The following RPTOR variants were observed in gnomAD, a reference collection of about 807,000 sequenced individuals.
The protein encoded by RPTOR is regulatory associated protein of MTOR complex 1, also known as regulatory-associated protein of mTOR.
In RPTOR, 21 loss-of-function variants were observed where a neutral mutation model predicts 169.9. The ratio of observed to expected loss-of-function variants is 0.12; its 90% CI spans 0.09 to 0.18. The LOEUF is 0.18. Ranked by LOEUF, RPTOR falls within the 10% of genes least tolerant of loss-of-function variation. The probability of loss-of-function intolerance (pLI) is 1.00; values close to 1 mark genes in which losing one functional copy is unlikely to be tolerated. For synonymous variants in RPTOR, 732 were observed against 753.2 expected, an observed-to-expected ratio of 0.97 and a Z score of 0.46; for missense variants, 1,133 against 1,855.9, an observed-to-expected ratio of 0.61 and a Z score of 7.16.
intron 7 of RPTOR, among the ~76,000 whole-genome samples, chr17:80,793,765 A>G (rs1219239580): frequency 2.6e-5 from 4 of 152,246 alleles, no homozygotes; most frequent in African/African-American, 7.2e-5. Flanking sequence ...TAGAGCAAAA[A>G]GGTCTGTTAA....
In RPTOR at chr17:80,962,442, T is replaced by C; in HGVS notation, c.3693-19T>C. The stretch of plus-strand genomic sequence containing the variant: ...TGGGGCCTCCGGGAGGAGGTGTCAC[T>C]GTGACCCTCTCTTGGCAGCGTCAAT... On this transcript the variant is annotated intron_variant, in intron 31 of 33. Coordinates refer to ENST00000306801, the MANE Select transcript of RPTOR (RefSeq NM_020761.3). The C allele has an allele frequency of 3.7e-6, 6 of 1,606,510 alleles. No homozygotes were observed. Among genetic ancestry groups the C allele is most frequent in the South Asian group, 2.2e-5 (2 of 90,736 alleles).
chr17:80,900,389 G>C (rs868706090), intron 20 of RPTOR, among the ~76,000 whole-genome samples: 1 of 151,856 alleles, frequency 6.6e-6, no homozygotes, highest in Non-Finnish European at 1.5e-5. Context: ...TTAATGGCGC[G>C]ATCTCTGCTC....
chr17:80,559,767 C>T (rs1207516368), intron 1 of RPTOR, among the ~76,000 whole-genome samples: 1 of 152,186 alleles, frequency 6.6e-6, no homozygotes, highest in Non-Finnish European at 1.5e-5. Flanking sequence ...CTCCATTGTC[C>T]TCATTTAATC....
In RPTOR at chr17:80,823,662, C is replaced by T; in HGVS notation, c.1136+439C>T. On this transcript the variant is annotated intron_variant, in intron 9 of 33. Coordinates refer to ENST00000306801, the MANE Select transcript of RPTOR (RefSeq NM_020761.3). The surrounding 1 kb of genome is among the most constrained non-coding windows in gnomAD (Gnocchi z 4.5). ...TTTCTCACACACACACACACACACA[C>T]ACACACACACACACACAACGCTCAT... is the stretch of plus-strand genomic sequence containing the variant. 6.1e-6 allele frequency: 1 copy of T among 164,928 alleles called. No individual in the cohort carries two copies. The highest frequency in any genetic ancestry group is 1.3e-5 in the Non-Finnish European group (1 of 74,394). 10.2% of individuals were successfully genotyped at this position (164,928 alleles called of 1,614,324 possible).
At chr17:80,762,167 A>G (rs1460633136) in intron 6 of RPTOR, among the ~76,000 whole-genome samples, 1 of 152,232 alleles carries the variant, frequency 6.6e-6, no homozygotes, top group East Asian at 1.9e-4. Flanking sequence ...GTTTTAAAAG[A>G]TGACGTGTAA....
chr17:80,820,050 G>C lies in RPTOR; in HGVS notation c.891-2151G>C, dbSNP rs2067363611. On this transcript the variant is annotated intron_variant, in intron 7 of 33. Coordinates refer to ENST00000306801, the MANE Select transcript of RPTOR (RefSeq NM_020761.3). This position sits in a 1 kb window ranked among gnomAD's most constrained non-coding sequence, Gnocchi z 4.1. ...GTTTGACTAACTCCAGATATGTTGA[G>C]AGAGGAGAGAACCCGTGACAGGATG... Among the ~76,000 whole-genome samples the C allele has an allele frequency of 6.6e-6, 1 of 152,160 alleles. No homozygotes were observed. Among genetic ancestry groups the C allele is most frequent in the South Asian group, 2.1e-4 (1 of 4,836 alleles).
intron 7 of RPTOR, among the ~76,000 whole-genome samples, chr17:80,812,615 A>C (rs1337749058): frequency 6.6e-6 from 1 of 152,156 alleles, no homozygotes; most frequent in Non-Finnish European, 1.5e-5. Context: ...GATGCTTCCA[A>C]GAGAGGTGGC....
chr17:80,586,913 C>G (rs1221462907), intron 1 of RPTOR, among the ~76,000 whole-genome samples: 1 of 152,258 alleles, frequency 6.6e-6, no homozygotes, highest in Non-Finnish European at 1.5e-5. Context: ...GGCTCGCTGG[C>G]AAGCAGGTCC....
rs62068553 is a variant in RPTOR, at chr17:80,958,985, G to T, written c.3478-1093G>T. On this transcript the variant is annotated intron_variant, in intron 29 of 33. Coordinates refer to ENST00000306801, the MANE Select transcript of RPTOR (RefSeq NM_020761.3). ...AGAGGCCATACCCAGCCTCTCTCCC[G>T]GGCAGGCCATCTGGTGTCAGGAGGG... Among the ~76,000 whole-genome samples the T allele has an allele frequency of 3.3e-5, 5 of 152,306 alleles. No individual in the cohort carries two copies. In the East Asian group the frequency reaches 9.7e-4, roughly 29 times the overall value.
Position 80,885,275 on chromosome 17 carries a change from G to A in RPTOR, c.1983+127G>A. The A allele has an allele frequency of 3.6e-6, 4 of 1,125,314 alleles. No individual in the cohort carries two copies. In the South Asian group the frequency reaches 4.9e-5, roughly 14 times the overall value. The allele number at this position is 1,125,314 out of a possible 1,614,324, so 69.7% of individuals were successfully genotyped here. A position where few individuals can be genotyped will look rare whatever the true frequency, so the allele number is the denominator to read the frequency against. On this transcript the variant is annotated intron_variant, in intron 17 of 33. Coordinates refer to ENST00000306801, the MANE Select transcript of RPTOR (RefSeq NM_020761.3). ...GTTTCCACTGCGTGTCATTGCGAGA[G>A]CAGATCTTTACATGTTTCATTCTCT...
intron 6 of RPTOR, among the ~76,000 whole-genome samples, chr17:80,765,615 C>G (rs556353054): frequency 6.6e-6 from 1 of 152,252 alleles, no homozygotes; most frequent in South Asian, 2.1e-4. Context: ...AGTCAGGATT[C>G]AAAGCTGGGT....
chr17:80,546,780 G>A (rs1249905120), intron 1 of RPTOR, among the ~76,000 whole-genome samples: 3 of 152,076 alleles, frequency 2.0e-5, no homozygotes, highest in East Asian at 1.9e-4. Context: ...TGGGCTGGGC[G>A]CGGTGGCTCA....
intron 1 of RPTOR, among the ~76,000 whole-genome samples, chr17:80,595,147 T>A (rs2065135953): frequency 6.6e-6 from 1 of 152,182 alleles, no homozygotes; most frequent in African/African-American, 2.4e-5. Flanking sequence ...TTTCACTTTC[T>A]TTTCTTCCTG....
chr17:80,610,315 G>T (rs1205947936), intron 1 of RPTOR, among the ~76,000 whole-genome samples: 1 of 152,114 alleles, frequency 6.6e-6, no homozygotes, highest in East Asian at 1.9e-4. Context: ...ACATTATGAT[G>T]ATATAGACAG....
chr17:80,757,106 A>G (rs2066688311), intron 6 of RPTOR, among the ~76,000 whole-genome samples: 1 of 152,180 alleles, frequency 6.6e-6, no homozygotes, highest in African/African-American at 2.4e-5. Context: ...GGGAAACAGA[A>G]AAGCCAGGAG....
chr17:80,922,689 G>T, intron 21 of RPTOR, 35 bp from the exon 22 acceptor site: 1 of 1,525,542 alleles, frequency 6.6e-7, no homozygotes. Flanking sequence ...AGCACGTCCC[G>T]TCTGACCTTC....
At chr17:80,733,966 A>G (rs1484550806) in intron 5 of RPTOR, among the ~76,000 whole-genome samples, 1 of 151,916 alleles carries the variant, frequency 6.6e-6, no homozygotes, top group East Asian at 1.9e-4. Context: ...TTTCTTTTAC[A>G]GCTTCTGTTA....
intron 3 of RPTOR, among the ~76,000 whole-genome samples, chr17:80,694,346 G>A (rs762435863): frequency 6.6e-6 from 1 of 152,242 alleles, no homozygotes; most frequent in Non-Finnish European, 1.5e-5. Context: ...TCTGGCAACC[G>A]TTGAATAAAT....
At chr17:80,625,054 C>G (rs2065382509) in intron 1 of RPTOR, among the ~76,000 whole-genome samples, 1 of 152,122 alleles carries the variant, frequency 6.6e-6, no homozygotes, top group Non-Finnish European at 1.5e-5. Context: ...GGCCAGGTGA[C>G]CCGGGGGAGG....
Sources: gnomAD v4.1 joint callset for allele counts (sites outside exome capture counted in the v4.1 genomes callset) on GRCh38, gnomAD v4.1.1 for gene constraint, Gnocchi (gnomAD v3.1) non-coding constraint, MANE v1.5 for transcripts, NCBI Gene and HGNC (gene_info 2026-07-23, HGNC 2026-07-21) for gene names.